Variants in PAX7 observed in about 807,000 individuals in gnomAD.
The protein encoded by PAX7 is paired box protein Pax-7.
A neutral mutation model predicts 50.7 loss-of-function variants in PAX7; 18 were observed. The ratio of observed to expected loss-of-function variants is 0.36; its 90% CI spans 0.25 to 0.53. The LOEUF is 0.53. PAX7 is among the 20% of genes least tolerant of loss of function. The pLI, the probability that PAX7 is intolerant of heterozygous loss-of-function variation, is 0.93. For missense variants in PAX7, 644 were observed against 702.9 expected (o/e 0.92, Z 0.95); for synonymous variants, 310 against 290.4 (o/e 1.07, Z -0.69).
intron 7 of PAX7, among the ~76,000 whole-genome samples, chr1:18,729,617 C>T (rs1301610601): frequency 1.3e-5 from 2 of 152,186 alleles, no homozygotes; most frequent in Non-Finnish European, 2.9e-5. Context: ...GACTCATCGT[C>T]CTGGATTCAG....
intron 1 of PAX7, 132 bp downstream of exon 1, chr1:18,631,820 A>G (rs1396267466): frequency 4.0e-6 from 3 of 751,954 alleles, no homozygotes; most frequent in African/African-American, 3.5e-5. Context: ...TCTGGGTCCC[A>G]GTCCGGGCGC....
intron 7 of PAX7, among the ~76,000 whole-genome samples, chr1:18,727,669 T>C (rs1301130412): frequency 6.6e-6 from 1 of 152,208 alleles, no homozygotes; most frequent in Middle Eastern, 3.2e-3. Flanking sequence ...TGTAAAGTGC[T>C]GTGCTTGTGC....
rs9439723 is a variant in PAX7 at position 18,687,465 on chromosome 1, G to C, written c.587-4289G>C. 3.8e-3 allele frequency among the ~76,000 whole-genome samples: 579 copies of C among 152,226 alleles called. 5 individuals carry two copies. The highest frequency in any genetic ancestry group is 0.012 in the African/African-American group (518 of 41,532). On this transcript the variant is annotated intron_variant, in intron 4 of 8. Coordinates refer to ENST00000420770, the MANE Select transcript of PAX7 (RefSeq NM_001135254.2). ...GCCAATCCCTCTCCAGGGCTCACTG[G>C]CTGTGTGTCCTCCATCCAAGTGACT...
chr1:18,670,703 A>T (rs1181098455), intron 4 of PAX7, among the ~76,000 whole-genome samples: 1 of 152,170 alleles, frequency 6.6e-6, no homozygotes, highest in African/African-American at 2.4e-5. Flanking sequence ...GCCTGGTCAG[A>T]GGGTGCCAGC....
chr1:18,734,918 T>C (rs2089691661), intron 7 of PAX7, among the ~76,000 whole-genome samples: 1 of 152,110 alleles, frequency 6.6e-6, no homozygotes, highest in African/African-American at 2.4e-5. Flanking sequence ...GCTGAGCTTC[T>C]AGAGACAAGC....
At chr1:18,693,699 G>C (rs561602821) in intron 5 of PAX7, among the ~76,000 whole-genome samples, 1 of 152,336 alleles carries the variant, frequency 6.6e-6, no homozygotes, top group South Asian at 2.1e-4. Flanking sequence ...TCCTGACCGA[G>C]GTGATATCCG....
chr1:18,740,471 C>G (rs11261055), intron 8 of PAX7, among the ~76,000 whole-genome samples: 3,443 of 152,308 alleles, frequency 0.023, 146 homozygotes, highest in African/African-American at 0.078. Context: ...CCAGCGACCT[C>G]TCCGTACCTC....
chr1:18,678,235 A>T (rs2088851745), intron 4 of PAX7, among the ~76,000 whole-genome samples: 1 of 152,094 alleles, frequency 6.6e-6, no homozygotes, highest in Non-Finnish European at 1.5e-5. Flanking sequence ...AACATGGAGA[A>T]ACCCTGTTTC....
Position 18,634,184 on chromosome 1 carries a change from T to A in PAX7, c.86-119T>A. The A allele has an allele frequency of 7.0e-6, 5 of 714,384 alleles. No homozygotes were observed. The highest frequency in any genetic ancestry group is 9.4e-6 in the Non-Finnish European group (4 of 423,766). The allele number at this position is 714,384 out of a possible 1,614,324, so 44.3% of individuals were successfully genotyped here. A position where few individuals can be genotyped will look rare whatever the true frequency, so the allele number is the denominator to read the frequency against. ...GCCCCAGTGTGAGGACCACCGGGAT[T>A]GCTGTCTGAGGTCTTGGGGCTCAAA... On this transcript the variant is annotated intron_variant, in intron 1 of 8. Coordinates refer to ENST00000420770, the MANE Select transcript of PAX7 (RefSeq NM_001135254.2). This position sits in a 1 kb window ranked among gnomAD's most constrained non-coding sequence, Gnocchi z 4.0.
chr1:18,683,843 T>A (rs1024697450), intron 4 of PAX7, among the ~76,000 whole-genome samples: 10 of 151,860 alleles, frequency 6.6e-5, no homozygotes, highest in African/African-American at 2.2e-4. Context: ...GTCTCAAAAA[T>A]AATAATAATA....
chr1:18,641,583 T>C (rs2088255405), intron 4 of PAX7, among the ~76,000 whole-genome samples: 1 of 152,210 alleles, frequency 6.6e-6, no homozygotes, highest in African/African-American at 2.4e-5. Context: ...TTGGGCTGTT[T>C]CAAGGCGTTT....
intron 4 of PAX7, among the ~76,000 whole-genome samples, chr1:18,691,240 A>G (rs989801773): frequency 2.0e-5 from 3 of 152,178 alleles, no homozygotes; most frequent in African/African-American, 7.2e-5. Flanking sequence ...CAGCCTCCCA[A>G]AATGCTGGGA....
intron 7 of PAX7, among the ~76,000 whole-genome samples, chr1:18,715,459 G>A (rs765470878): frequency 6.6e-5 from 10 of 152,156 alleles, no homozygotes; most frequent in Admixed American, 2.6e-4. Context: ...TCATTTAATC[G>A]TTATAACATC....
At chr1:18,649,299 C>T (rs72648794) in intron 4 of PAX7, among the ~76,000 whole-genome samples, 13,468 of 152,076 alleles carry the variant, frequency 0.089, 704 homozygotes, top group East Asian at 0.14. Context: ...GAGGCCTTTC[C>T]CCATGCTGGC....
chr1:18,634,027 C>A lies in PAX7; in HGVS notation c.86-276C>A, dbSNP rs943114717. Among the ~76,000 whole-genome samples the A allele has an allele frequency of 3.3e-5, 5 of 152,220 alleles. No individual in the cohort carries two copies. The highest frequency in any genetic ancestry group is 5.9e-5 in the Non-Finnish European group (4 of 68,044). ...TCGAATCCCCCAGGTGTGTCCTCATCCCTCGTAGTGTGGCAGGAGTTGGGG... is the reference window on the plus strand; with the variant it reads ...TCGAATCCCCCAGGTGTGTCCTCATACCTCGTAGTGTGGCAGGAGTTGGGG... On this transcript the variant is annotated intron_variant, in intron 1 of 8. Coordinates refer to ENST00000420770, the MANE Select transcript of PAX7 (RefSeq NM_001135254.2). This position sits in a 1 kb window ranked among gnomAD's most constrained non-coding sequence, Gnocchi z 4.0.
chr1:18,741,433 G>A (rs1931123007), intron 8 of PAX7, among the ~76,000 whole-genome samples: 2 of 150,634 alleles, frequency 1.3e-5, no homozygotes, highest in South Asian at 4.2e-4. Flanking sequence ...CTGGGAGACA[G>A]AGTGAGACTC....
chr1:18,724,091 C>T (rs979080206), intron 7 of PAX7, among the ~76,000 whole-genome samples: 8 of 152,202 alleles, frequency 5.3e-5, no homozygotes, highest in Non-Finnish European at 1.0e-4. Context: ...CTCGGTGGGC[C>T]GGCCGGGAAC....
chr1:18,661,689 G>A (rs138766187), intron 4 of PAX7, among the ~76,000 whole-genome samples: 4 of 152,382 alleles, frequency 2.6e-5, no homozygotes, highest in Non-Finnish European at 4.4e-5. Context: ...TGGGCCTGGA[G>A]CCCATGCTGG....
intron 4 of PAX7, among the ~76,000 whole-genome samples, chr1:18,674,599 G>T (rs899266653): frequency 5.9e-5 from 9 of 152,206 alleles, no homozygotes; most frequent in Admixed American, 5.9e-4. Context: ...CCTCCTCCAA[G>T]CTGGCCCCCT....
Sources: allele counts gnomAD v4.1 joint callset (sites outside exome capture counted in the v4.1 genomes callset), GRCh38; gene constraint gnomAD v4.1.1; non-coding constraint Gnocchi (gnomAD v3.1); transcripts MANE v1.5; gene names NCBI Gene and HGNC (gene_info 2026-07-23, HGNC 2026-07-21).